MED27: variants seen among roughly 807,000 people sequenced by gnomAD.
The protein encoded by MED27 is mediator of RNA polymerase II transcription subunit 27.
A neutral mutation model predicts 38.2 loss-of-function variants in MED27; 30 were observed. The ratio of observed to expected loss-of-function variants is 0.79; its 90% confidence interval spans 0.59 to 1.07. The LOEUF (loss-of-function observed/expected upper bound fraction) is 1.07, where lower values mean the gene tolerates loss of function less well. Among genes scored for constraint, MED27 ranks in the 50% least tolerant of loss-of-function variants. The probability of loss-of-function intolerance (pLI) is 0.00; values close to 1 mark genes in which losing one functional copy is unlikely to be tolerated. For synonymous variants in MED27, 122 were observed against 153.5 expected, an observed-to-expected ratio of 0.79 and a Z score of 1.52; for missense variants, 289 against 397.5, an observed-to-expected ratio of 0.73 and a Z score of 2.32.
intron 4 of MED27, among the ~76,000 whole-genome samples, chr9:131,922,054 G>A (rs1288953772): frequency 6.6e-6 from 1 of 151,392 alleles, no homozygotes; most frequent in Non-Finnish European, 1.5e-5. Flanking sequence ...GATAGCATTA[G>A]GAGAAATACC....
intron 4 of MED27, among the ~76,000 whole-genome samples, chr9:131,923,191 C>T (rs1830427832): frequency 6.6e-6 from 1 of 152,222 alleles, no homozygotes; most frequent in Admixed American, 6.5e-5. Context: ...TACATCCATA[C>T]ATTAAAAACA....
rs78414241 is a variant in MED27, at chr9:131,966,215, AC to A, written c.480-26742del. On this transcript the variant is annotated intron_variant, in intron 3 of 7. Transcript: ENST00000292035. ...CTGTTTCTTTAAAAAAAAAAAAAAA[AC>A]AAAACAAAACCAAAAGCAACTGATT... Among the ~76,000 whole-genome samples the A allele has an allele frequency of 3.4e-3, 475 of 138,270 alleles. 5 individuals are homozygous for A. The highest frequency in any genetic ancestry group is 0.012 in the African/African-American group (429 of 34,836). The allele number at this position is 138,270 out of a possible 152,430, so 90.7% of individuals were successfully genotyped here.
chr9:132,060,206 A>G (rs1488106137), intron 2 of MED27, among the ~76,000 whole-genome samples: 2 of 152,206 alleles, frequency 1.3e-5, no homozygotes, highest in Non-Finnish European at 2.9e-5. Flanking sequence ...GATTAATGGG[A>G]GAATGAGGAA....
intron 2 of MED27, among the ~76,000 whole-genome samples, chr9:132,060,362 C>T (rs529271861): frequency 2.0e-5 from 3 of 152,292 alleles, no homozygotes; most frequent in East Asian, 3.9e-4. Flanking sequence ...TGGCTGCCAG[C>T]TCCATGTACA....
chr9:131,925,783 C>T (rs559243955), intron 4 of MED27, among the ~76,000 whole-genome samples: 66 of 152,218 alleles, frequency 4.3e-4, no homozygotes, highest in Middle Eastern at 6.8e-3. Context: ...CCTGCGGGGG[C>T]GGTGGGGGGC....
At chr9:131,919,840 A>G (rs1162602392) in intron 4 of MED27, among the ~76,000 whole-genome samples, 3 of 144,356 alleles carry the variant, frequency 2.1e-5, no homozygotes, top group Non-Finnish European at 4.5e-5. Context: ...ATAGGGTCTC[A>G]CTGTGTCACC....
chr9:131,920,954 A>C (rs1206779297), intron 4 of MED27, among the ~76,000 whole-genome samples: 2 of 152,152 alleles, frequency 1.3e-5, no homozygotes, highest in Non-Finnish European at 2.9e-5. Context: ...GCAGGATGGC[A>C]GTGGGGAGGC....
At chr9:131,953,228 A>C (rs946639853) in intron 3 of MED27, among the ~76,000 whole-genome samples, 2 of 152,336 alleles carry the variant, frequency 1.3e-5, no homozygotes, top group African/African-American at 4.8e-5. Flanking sequence ...CAGGTACCCC[A>C]GTCTGGTTTT....
intron 3 of MED27, among the ~76,000 whole-genome samples, chr9:131,989,887 G>GT (rs1393071602): frequency 6.6e-6 from 1 of 152,096 alleles, no homozygotes; most frequent in Non-Finnish European, 1.5e-5. Flanking sequence ...AGGAAGCAAT[G>GT]TATCTACCTG....
At chr9:132,056,487 T>C (rs1833580311) in intron 2 of MED27, among the ~76,000 whole-genome samples, 1 of 152,066 alleles carries the variant, frequency 6.6e-6, no homozygotes, top group Admixed American at 6.5e-5. Context: ...AAATCCAAAA[T>C]CCCAAATTTT....
chr9:131,921,853 TGA>T (rs1830397486), intron 4 of MED27, among the ~76,000 whole-genome samples: 1 of 152,164 alleles, frequency 6.6e-6, no homozygotes, highest in South Asian at 2.1e-4. Context: ...TAAAAAAGGA[TGA>T]GTTTCATGTC....
At chr9:131,879,073 C>T (rs551624207) in intron 6 of MED27, among the ~76,000 whole-genome samples, 1 of 152,338 alleles carries the variant, frequency 6.6e-6, no homozygotes, top group African/African-American at 2.4e-5. Context: ...TGAACATCTG[C>T]AGACAAAAGG....
chr9:131,910,259 A>G (rs1158733966), intron 4 of MED27, among the ~76,000 whole-genome samples: 1 of 152,144 alleles, frequency 6.6e-6, no homozygotes, highest in Non-Finnish European at 1.5e-5. Context: ...ACCACACAAT[A>G]AATTATAGGA....
chr9:131,873,266 T>C (rs1465291135), intron 6 of MED27, among the ~76,000 whole-genome samples: 1 of 152,164 alleles, frequency 6.6e-6, no homozygotes, highest in East Asian at 1.9e-4. Flanking sequence ...GCTCTAAGGA[T>C]GTGTGCTGGT....
chr9:131,877,294 A>T (rs1328764458), intron 6 of MED27, among the ~76,000 whole-genome samples: 1 of 152,202 alleles, frequency 6.6e-6, no homozygotes. Flanking sequence ...GGCTGGGCAC[A>T]GTGGCTCACG....
intron 4 of MED27, among the ~76,000 whole-genome samples, chr9:131,914,767 G>T (rs945809878): frequency 6.6e-6 from 1 of 152,258 alleles, no homozygotes; most frequent in Non-Finnish European, 1.5e-5. Context: ...GGGTGCAAGG[G>T]TGGAGGCAGA....
rs1838948266 is a variant in MED27 at position 131,877,076 on chromosome 9, C to T, written c.723+6982G>A. Among the ~76,000 whole-genome samples the T allele has an allele frequency of 2.0e-5, 3 of 152,314 alleles. 1 individual carries two copies. Among genetic ancestry groups the T allele is most frequent in the Middle Eastern group, 3.4e-3 (1 of 294 alleles). ...CTTCAACGACTCTGGGAGGCAGCTC[C>T]CAGCTGTGGAGTCCCTCTGAGTGTG... On this transcript the variant is annotated intron_variant, in intron 6 of 7. Coordinates refer to ENST00000292035, the MANE Select transcript of MED27 (RefSeq NM_004269.4).
chr9:131,863,335 C>A (rs532448573), intron 6 of MED27, among the ~76,000 whole-genome samples, 195 bp from the exon 7 acceptor site: 1 of 152,250 alleles, frequency 6.6e-6, no homozygotes, highest in South Asian at 2.1e-4. Context: ...GGCATGCTGT[C>A]GGCAGAAAGG....
In MED27 at chr9:132,010,703, T is replaced by C. The variant is rs565889154; in HGVS notation, c.479+3634A>G. On this transcript the variant is annotated intron_variant, in intron 3 of 7. Coordinates refer to ENST00000292035, the MANE Select transcript of MED27 (RefSeq NM_004269.4). The stretch of plus-strand genomic sequence containing the variant: ...TACACCACGGAATACTATGCAGCCA[T>C]AAAAAATGATGAGTTCATGTCCTTT... Among the ~76,000 whole-genome samples, 310 of 152,256 alleles carry C rather than the reference T, an allele frequency of 2.0e-3. 2 individuals are homozygous for C. Among genetic ancestry groups the C allele is most frequent in the Admixed American group, 2.4e-3 (36 of 15,306 alleles).
Sources: gnomAD v4.1 joint callset for allele counts (sites outside exome capture counted in the v4.1 genomes callset) on GRCh38, gnomAD v4.1.1 for gene constraint, MANE v1.5 for transcripts, NCBI Gene and HGNC (gene_info 2026-07-23, HGNC 2026-07-21) for gene names.